Variants in SLC12A1 observed in about 807,000 individuals in gnomAD.
SLC12A1 encodes Na-K-2Cl cotransporter.
SLC12A1 carries 89 observed loss-of-function variants against 130.4 expected under a neutral mutation model. That is an observed-to-expected ratio of 0.68 (90% confidence interval 0.58 to 0.81). The LOEUF is 0.81. SLC12A1 is among the 40% of genes least tolerant of loss of function. The probability of loss-of-function intolerance (pLI) is 0.00; values close to 1 mark genes in which losing one functional copy is unlikely to be tolerated. For synonymous variants in SLC12A1, 499 were observed against 460.0 expected (o/e 1.08, Z -1.09); for missense variants, 1,310 against 1,336.4 (o/e 0.98, Z 0.31).
chr15:48,301,242 T>C (rs2042228709), intron 25 of SLC12A1, 73 bp from the exon 26 acceptor site: 9 of 1,024,604 alleles, frequency 8.8e-6, no homozygotes, highest in Non-Finnish European at 1.2e-5. Flanking sequence ...TGCTTGTTCA[T>C]GATTTAAGAA....
intron 24 of SLC12A1, among the ~76,000 whole-genome samples, chr15:48,298,301 TA>T (rs1245765969): frequency 6.6e-6 from 1 of 152,250 alleles, no homozygotes; most frequent in Non-Finnish European, 1.5e-5. Flanking sequence ...ACTACTGCCA[TA>T]AATTATAAGT....
At chr15:48,230,053 G>A (rs1244997516) in intron 6 of SLC12A1, among the ~76,000 whole-genome samples, 4 of 152,094 alleles carry the variant, frequency 2.6e-5, no homozygotes, top group African/African-American at 9.7e-5. Context: ...TTTTTATTCT[G>A]CTAGGATTCC....
rs750223162 is a variant in SLC12A1 at position 48,244,759 on chromosome 15, G to A, written c.1307G>A (p.Cys436Tyr). 3 of 1,613,902 alleles carry A rather than the reference G, an allele frequency of 1.9e-6. No individual in the cohort carries two copies. The highest frequency in any genetic ancestry group is 4.5e-5 in the East Asian group (2 of 44,872). Reference protein sequence around the residue: ...YLGVAICVGACVVRDATGNMN... With the variant: ...YLGVAICVGAYVVRDATGNMN... ...GCCACGGTTGTTTCCACAGGGGCCT[G>A]TGTGGTCCGAGATGCCACCGGGAAC... is the stretch of plus-strand genomic sequence containing the variant. The change falls in exon 11 of 27, where the codon TGT becomes TAT. Residue 436 changes from cysteine (C) to tyrosine (Y), a missense_variant. By Grantham distance (194) the Cys-to-Tyr change is radical. Transcript: ENST00000380993.
chr15:48,291,320 T>C (rs2042118361), intron 23 of SLC12A1, among the ~76,000 whole-genome samples: 1 of 150,064 alleles, frequency 6.7e-6, no homozygotes, highest in Admixed American at 6.7e-5. Context: ...TTATATATTA[T>C]ATAATTTAGA....
At chr15:48,250,877 C>G (rs138817035) in intron 14 of SLC12A1, among the ~76,000 whole-genome samples, 71 of 152,218 alleles carry the variant, frequency 4.7e-4, no homozygotes, top group Non-Finnish European at 7.6e-4. Context: ...AAAAGGTGCC[C>G]TTCGTATCAG....
At chr15:48,294,527 A>C (rs571667084) in intron 24 of SLC12A1, among the ~76,000 whole-genome samples, 1 of 152,298 alleles carries the variant, frequency 6.6e-6, no homozygotes, top group African/African-American at 2.4e-5. Flanking sequence ...AAGAACATAT[A>C]ATTTTCATTG....
At chr15:48,255,662 A>C (rs2141070601) in intron 15 of SLC12A1, 149 bp from the exon 16 acceptor site, 2 of 604,970 alleles carry the variant, frequency 3.3e-6, no homozygotes, top group East Asian at 5.5e-5. Flanking sequence ...CTTTTTAGGA[A>C]ATCCCACACT....
intron 9 of SLC12A1, chr15:48,237,473 T>C (rs1263127617): frequency 6.6e-6 from 1 of 152,416 alleles, no homozygotes; most frequent in Non-Finnish European, 1.5e-5. Flanking sequence ...TTTAGGGTTG[T>C]TATGTTAGTG....
chr15:48,240,402 T>C (rs1227774089), intron 9 of SLC12A1, among the ~76,000 whole-genome samples: 1 of 152,112 alleles, frequency 6.6e-6, no homozygotes, highest in South Asian at 2.1e-4. Flanking sequence ...TGTGTACAGA[T>C]ACTCCTAGAA....
intron 4 of SLC12A1, 61 bp downstream of exon 4, chr15:48,221,057 T>G: frequency 7.0e-7 from 1 of 1,423,904 alleles, no homozygotes; most frequent in Non-Finnish European, 9.9e-7. Flanking sequence ...ATAAGCAATC[T>G]TTTTTCACCA....
intron 2 of SLC12A1, among the ~76,000 whole-genome samples, chr15:48,209,986 A>G (rs1440085780): frequency 6.6e-6 from 1 of 152,232 alleles, no homozygotes; most frequent in African/African-American, 2.4e-5. Context: ...GCAATGCGAC[A>G]ATTTCAGACA....
chr15:48,295,759 G>A (rs1335983681), intron 24 of SLC12A1, among the ~76,000 whole-genome samples: 7 of 152,118 alleles, frequency 4.6e-5, no homozygotes, highest in Admixed American at 6.5e-5. Flanking sequence ...CCCTGCTGAC[G>A]AAACAGGAGG....
rs959159536 is a variant in SLC12A1 at position 48,246,943 on chromosome 15, T to C, written c.1487T>C (p.Ile496Thr). 2 of 1,613,984 alleles carry C rather than the reference T, an allele frequency of 1.2e-6. No individual in the cohort carries two copies. Among genetic ancestry groups the C allele is most frequent in the East Asian group, 2.2e-5 (1 of 44,890 alleles). Residue 496 changes from isoleucine (I) to threonine (T), a missense_variant, in exon 12 of 27, where the codon ATC becomes ACC. Physicochemically the swap from Ile to Thr is moderately conservative, Grantham distance 89. Transcript: ENST00000380993. ...ATGGTATCAGGGTTCGGCCCCCTCA[T>C]CACTGCGGGAATCTTTTCTGCAACA... is the stretch of plus-strand genomic sequence containing the variant. The part of the protein sequence containing the change: ...MSMVSGFGPL[I>T]TAGIFSATLS...
At position 48,229,201 on chromosome 15, in the gene SLC12A1, A is replaced by G. The variant is rs151270934; in HGVS notation, c.737A>G (p.Tyr246Cys). 19 of 1,588,672 alleles carry G rather than the reference A, an allele frequency of 1.2e-5. No individual in the cohort carries two copies. In the African/African-American group the frequency reaches 2.0e-4, roughly 17 times the overall value. The change falls in exon 6 of 27, where the codon TAT becomes TGT. Residue 246 changes from tyrosine (Y) to cysteine (C), a missense_variant. Physicochemically the swap from Tyr to Cys is radical, Grantham distance 194. Coordinates refer to ENST00000380993, the MANE Select transcript of SLC12A1 (RefSeq NM_000338.3). The stretch of plus-strand genomic sequence containing the variant: ...TTTCTTGTTTCAGGTGGGGCCTACT[A>G]TCTTATTTCCAGAAGTTTAGGGCCC... ...NGFVRGGGAY[Y>C]LISRSLGPEF...
chr15:48,227,368 C>G (rs1377579772), intron 5 of SLC12A1: 3 of 596,042 alleles, frequency 5.0e-6, no homozygotes, highest in Non-Finnish European at 9.0e-6. Flanking sequence ...TGACCCATTT[C>G]TTGTAACAAA....
intron 9 of SLC12A1, 99 bp downstream of exon 9, chr15:48,235,103 A>G: frequency 8.2e-7 from 1 of 1,219,394 alleles, no homozygotes; most frequent in Non-Finnish European, 1.2e-6. Context: ...ATTACCCTAC[A>G]GATTCAAACT....
intron 15 of SLC12A1, among the ~76,000 whole-genome samples, chr15:48,253,694 G>A (rs1393927004): frequency 1.3e-5 from 2 of 152,120 alleles, no homozygotes; most frequent in African/African-American, 4.8e-5. Flanking sequence ...TGGGATTTAT[G>A]ATTAATAGTA....
intron 9 of SLC12A1, among the ~76,000 whole-genome samples, chr15:48,237,857 T>G (rs1597416558): frequency 6.6e-6 from 1 of 151,902 alleles, no homozygotes; most frequent in Non-Finnish European, 1.5e-5. Context: ...TGGAGGGTGG[T>G]TTGGAAGGTG....
chr15:48,285,838 A>G (rs896989121), intron 21 of SLC12A1, among the ~76,000 whole-genome samples: 1 of 152,230 alleles, frequency 6.6e-6, no homozygotes, highest in African/African-American at 2.4e-5. Context: ...AGCTTGTTAC[A>G]CATTTTATAA....
Sources: gnomAD v4.1 joint callset for allele counts (sites outside exome capture counted in the v4.1 genomes callset) on GRCh38, gnomAD v4.1.1 for gene constraint, MANE v1.5 for transcripts, NCBI Gene and HGNC (gene_info 2026-07-23, HGNC 2026-07-21) for gene names.